Variants in RBFOX1 observed in about 807,000 individuals in gnomAD.
The protein encoded by RBFOX1 is RNA binding protein fox-1 homolog 1.
RBFOX1 carries 8 observed loss-of-function variants against 57.7 expected under a neutral mutation model. That is an observed-to-expected ratio of 0.14 (90% CI 0.08 to 0.25). RBFOX1 has a LOEUF of 0.25. RBFOX1 is among the 10% of genes least tolerant of loss of function. RBFOX1 has a pLI of 1.00. For synonymous variants in RBFOX1, 326 were observed against 222.4 expected, an observed-to-expected ratio of 1.47 and a Z score of -4.15; for missense variants, 611 against 548.5, an observed-to-expected ratio of 1.11 and a Z score of -1.14.
chr16:7,438,618 A>T (rs572158835), intron 4 of RBFOX1, among the ~76,000 whole-genome samples: 1 of 152,194 alleles, frequency 6.6e-6, no homozygotes, highest in Non-Finnish European at 1.5e-5. Context: ...TTAGCCATTG[A>T]AAATATAATC....
chr16:6,138,711 C>CA (rs879448040), intron 1 of RBFOX1, among the ~76,000 whole-genome samples: 14 of 152,140 alleles, frequency 9.2e-5, no homozygotes, highest in Admixed American at 4.6e-4. Flanking sequence ...ACTGAAAATA[C>CA]AAAAAATTAG....
At chr16:6,728,256 G>C (rs1322161253) in intron 3 of RBFOX1, among the ~76,000 whole-genome samples, 2 of 152,124 alleles carry the variant, frequency 1.3e-5, no homozygotes, top group African/African-American at 2.4e-5. Context: ...TGGTATTTAT[G>C]CCTTTAAGCA....
At chr16:6,562,893 T>C (rs2097202259) in intron 2 of RBFOX1, among the ~76,000 whole-genome samples, 1 of 144,522 alleles carries the variant, frequency 6.9e-6, no homozygotes, top group Admixed American at 6.9e-5. Context: ...TTTTTTTTTT[T>C]TTTTTGCATA....
chr16:7,242,347 C>A lies in RBFOX1; in HGVS notation c.27+190249C>A, dbSNP rs142320374. Among the ~76,000 whole-genome samples the A allele has an allele frequency of 4.9e-3, 743 of 152,244 alleles. 32 individuals carry two copies. The highest frequency in any genetic ancestry group is 0.045 in the Admixed American group (685 of 15,290). On this transcript the variant is annotated intron_variant, in intron 4 of 15. Transcript: ENST00000550418. ...ATATCATCATTGGAAAGGAAGGTAC[C>A]TTCTGATGCAGACAGGTTGTGCCAC...
intron 4 of RBFOX1, among the ~76,000 whole-genome samples, chr16:7,457,789 A>G (rs2058812556): frequency 6.6e-6 from 1 of 152,020 alleles, no homozygotes; most frequent in South Asian, 2.1e-4. Context: ...ACGAGCATCT[A>G]GCCTCACACC....
Position 5,732,037 on chromosome 16 carries a change from C to T in RBFOX1, c.318+133076C>T, listed in dbSNP as rs8060213. ...TTGCAAGACAGCCTCATTGCAGCCA[C>T]GCACAGGGTAACATTTCCTCTTTGC... On this transcript the variant is annotated intron_variant, in intron 3 of 19. Coordinates refer to the RBFOX1 transcript ENST00000641259. Among the ~76,000 whole-genome samples the T allele has an allele frequency of 6.2e-3, 949 of 152,278 alleles. 7 individuals are homozygous for T. The highest frequency in any genetic ancestry group is 0.021 in the African/African-American group (870 of 41,556).
chr16:7,590,797 T>C (rs1216541086), intron 7 of RBFOX1, among the ~76,000 whole-genome samples: 15 of 147,562 alleles, frequency 1.0e-4, no homozygotes, highest in Non-Finnish European at 4.4e-5. Flanking sequence ...GGGTGGAGAT[T>C]GCAGTGAGCC....
chr16:7,690,658 A>T (rs1032098443), intron 14 of RBFOX1, among the ~76,000 whole-genome samples: 4 of 103,862 alleles, frequency 3.9e-5, no homozygotes, highest in African/African-American at 7.1e-5. Context: ...ATATACCTGC[A>T]TTGTTCTGAT....
intron 1 of RBFOX1, among the ~76,000 whole-genome samples, chr16:5,393,409 C>T (rs2066467396): frequency 6.6e-6 from 1 of 152,176 alleles, no homozygotes; most frequent in African/African-American, 2.4e-5. Flanking sequence ...CTCCCTTCTG[C>T]TTTTATTCCT....
rs71150310 is a variant in RBFOX1 at position 7,543,667 on chromosome 16, CTGTGTGTGTGTGTGTGTGTGTG to C, written c.270+25310_270+25331del. ...GAGTCTGCACCATGCTGGGCAGTAT[CTGTGTGTGTGTGTGTGTGTGTG>C]TGTGTGTGTGTGTGTGTGTGTGTGT... On this transcript the variant is annotated intron_variant, in intron 5 of 15. Coordinates refer to ENST00000550418, the MANE Select transcript of RBFOX1 (RefSeq NM_018723.4). Among the ~76,000 whole-genome samples, 1,017 of 141,518 alleles carry C rather than the reference CTGTGTGTGTGTGTGTGTGTGTG, an allele frequency of 7.2e-3. 7 individuals are homozygous for C. Among genetic ancestry groups the C allele is most frequent in the African/African-American group, 0.014 (547 of 38,572 alleles). 92.8% of individuals were successfully genotyped at this position (141,518 alleles called of 152,430 possible). A position where few individuals can be genotyped will look rare whatever the true frequency, so the allele number is the denominator to read the frequency against.
chr16:6,295,250 A>G (rs113726301), intron 1 of RBFOX1, among the ~76,000 whole-genome samples: 33,020 of 151,904 alleles, frequency 0.22, 3,776 homozygotes, highest in South Asian at 0.25. Flanking sequence ...CAGCCTCCCA[A>G]GTAGCTGGGA....
chr16:7,134,747 A>G (rs934167336), intron 4 of RBFOX1, among the ~76,000 whole-genome samples: 2 of 152,198 alleles, frequency 1.3e-5, no homozygotes, highest in African/African-American at 4.8e-5. Flanking sequence ...CTGCTGCTGT[A>G]GATGGCTTGT....
chr16:6,261,686 T>C (rs895624972), intron 1 of RBFOX1, among the ~76,000 whole-genome samples: 1 of 152,092 alleles, frequency 6.6e-6, no homozygotes, highest in Non-Finnish European at 1.5e-5. Context: ...AAACAGTGGC[T>C]TTTAAAAGTT....
chr16:6,318,110 A>T (rs1300505977), intron 2 of RBFOX1, among the ~76,000 whole-genome samples: 1 of 152,172 alleles, frequency 6.6e-6, no homozygotes, highest in Admixed American at 6.6e-5. Flanking sequence ...TGCATATTCA[A>T]ATGCAGAGGG....
chr16:6,914,563 T>A (rs7203317), intron 3 of RBFOX1, among the ~76,000 whole-genome samples: 13,178 of 116,670 alleles, frequency 0.11, 1,728 homozygotes, highest in African/African-American at 0.34. Flanking sequence ...AAAACAAAAA[T>A]AAAAAAAAAA....
intron 1 of RBFOX1, among the ~76,000 whole-genome samples, chr16:6,224,220 TA>T (rs766412534): frequency 2.8e-4 from 43 of 151,242 alleles, no homozygotes; most frequent in African/African-American, 7.8e-4. Flanking sequence ...TTAAAGTAGT[TA>T]TTTTTTTCCA....
chr16:6,926,782 C>G (rs947058339), intron 3 of RBFOX1, among the ~76,000 whole-genome samples: 2 of 152,166 alleles, frequency 1.3e-5, no homozygotes, highest in East Asian at 1.9e-4. Context: ...TCTGCTGGGT[C>G]TCTTGAGTTC....
chr16:5,860,772 C>A (rs1278547037), intron 3 of RBFOX1, among the ~76,000 whole-genome samples: 1 of 152,092 alleles, frequency 6.6e-6, no homozygotes, highest in Non-Finnish European at 1.5e-5. Context: ...CGTCCTTCTC[C>A]ACAACATCAT....
intron 4 of RBFOX1, among the ~76,000 whole-genome samples, chr16:7,284,449 G>A (rs1049427445): frequency 1.8e-4 from 27 of 152,220 alleles, no homozygotes; most frequent in African/African-American, 6.3e-4. Flanking sequence ...TCCCACCTCA[G>A]CCTCCTGAGT....
Sources: gnomAD v4.1 joint callset for allele counts (sites outside exome capture counted in the v4.1 genomes callset) on GRCh38, gnomAD v4.1.1 for gene constraint, MANE v1.5 for transcripts, NCBI Gene and HGNC (gene_info 2026-07-23, HGNC 2026-07-21) for gene names.